The following NDUFAF5 variants were observed in gnomAD, a reference collection of about 807,000 sequenced individuals.
NDUFAF5 encodes the protein NADH:ubiquinone oxidoreductase complex assembly factor 5.
NDUFAF5 carries 34 observed loss-of-function variants against 48.9 expected under a neutral mutation model. The ratio of observed to expected loss-of-function variants is 0.70; its 90% CI spans 0.53 to 0.93. NDUFAF5 has a LOEUF of 0.93. NDUFAF5 is among the 40% of genes least tolerant of loss of function. NDUFAF5 has a pLI of 0.00. For missense variants in NDUFAF5, 428 were observed against 427.5 expected (o/e 1.00, Z -0.01); for synonymous variants, 153 against 150.6 (o/e 1.02, Z -0.12).
At position 13,818,495 on chromosome 20, in the gene NDUFAF5, C is replaced by T; in HGVS notation, c.*1285C>T. 4 of 338,378 alleles carry T rather than the reference C, an allele frequency of 1.2e-5. No individual in the cohort carries two copies. The highest frequency in any genetic ancestry group is 2.3e-5 in the Non-Finnish European group (4 of 176,618). The allele number at this position is 338,378 out of a possible 1,614,324, so 21.0% of individuals were successfully genotyped here. On this transcript the variant is annotated 3_prime_UTR_variant, in exon 11 of 11. Coordinates refer to ENST00000378106, the MANE Select transcript of NDUFAF5 (RefSeq NM_024120.5). ...AGAACTTGAAGAGAGAGAACAACAA[C>T]AAAAAACAAACTGCGCTAGCCAGGT... is the stretch of plus-strand genomic sequence containing the variant.
intron 3 of NDUFAF5, 140 bp from the exon 4 acceptor site, chr20:13,793,040 G>T (rs1982562247): frequency 1.2e-6 from 1 of 837,846 alleles, no homozygotes. Context: ...AAAAGTATTT[G>T]TGTACCATAC....
intron 4 of NDUFAF5, among the ~76,000 whole-genome samples, chr20:13,794,327 TG>T (rs1982824765): frequency 6.6e-6 from 1 of 152,120 alleles, no homozygotes; most frequent in South Asian, 2.1e-4. Context: ...TTGTCCAGGC[TG>T]GAGTGCAGTG....
intron 5 of NDUFAF5, among the ~76,000 whole-genome samples, chr20:13,795,237 C>T (rs1490881606): frequency 6.6e-6 from 1 of 152,110 alleles, no homozygotes; most frequent in East Asian, 1.9e-4. Flanking sequence ...TTTGGAATTG[C>T]TCTTGTTGGG....
chr20:13,798,495 G>A lies in NDUFAF5; in HGVS notation c.514G>A (p.Glu172Lys). ...HWVNDLPRAL[E>K]QIHYILKPDG... Reference sequence around the variant, plus strand: ...GGTGAATGACCTTCCTAGAGCACTTGAGCAGGTAAGAAAACTTATGTTCAT... The same window carrying A: ...GGTGAATGACCTTCCTAGAGCACTTAAGCAGGTAAGAAAACTTATGTTCAT... Residue 172 changes from glutamate to lysine, a missense_variant, in exon 6 of 11, where the codon GAG becomes AAG. By Grantham distance (56) the Glu-to-Lys change is moderately conservative (BLOSUM62 1). Coordinates refer to ENST00000378106, the MANE Select transcript of NDUFAF5 (RefSeq NM_024120.5). 6.2e-7 allele frequency: 1 copy of A among 1,607,618 alleles called. No homozygotes were observed. The highest frequency in any genetic ancestry group is 8.5e-7 in the Non-Finnish European group (1 of 1,174,308).
At chr20:13,808,471 CT>C (rs1985392633) in intron 7 of NDUFAF5, among the ~76,000 whole-genome samples, 1 of 152,024 alleles carries the variant, frequency 6.6e-6, no homozygotes, top group Non-Finnish European at 1.5e-5. Flanking sequence ...GATATTGACA[CT>C]GTCCAGGGAC....
intron 8 of NDUFAF5, chr20:13,813,056 TCTC>T (rs1257580932): frequency 6.6e-6 from 1 of 152,418 alleles, no homozygotes; most frequent in Non-Finnish European, 1.5e-5. Context: ...TTCAAGTAAT[TCTC>T]CTGCTTCAGC....
chr20:13,803,801 G>C (rs111808836), intron 7 of NDUFAF5, among the ~76,000 whole-genome samples: 11 of 149,926 alleles, frequency 7.3e-5, no homozygotes, highest in South Asian at 2.1e-4. Flanking sequence ...TTTTTTTTTG[G>C]GGGGGGGACA....
At chr20:13,796,279 C>G (rs1261988387) in intron 5 of NDUFAF5, among the ~76,000 whole-genome samples, 2 of 152,080 alleles carry the variant, frequency 1.3e-5, no homozygotes, top group African/African-American at 2.4e-5. Context: ...ATGTGCTGAA[C>G]AAAGTTAGAA....
At chr20:13,794,767 A>C in intron 4 of NDUFAF5, 71 bp from the exon 5 acceptor site, 1 of 975,426 alleles carries the variant, frequency 1.0e-6, no homozygotes, top group South Asian at 1.4e-5. Context: ...TCAATTTAAC[A>C]AACAGTGATT....
intron 8 of NDUFAF5, 76 bp from the exon 9 acceptor site, chr20:13,816,387 C>T (rs776755524): frequency 4.1e-5 from 39 of 961,632 alleles, no homozygotes; most frequent in East Asian, 1.2e-4. Context: ...TTAGATGAGA[C>T]GGGATTAAGT....
At chr20:13,810,479 A>C (rs1428319835) in intron 8 of NDUFAF5, among the ~76,000 whole-genome samples, 1 of 152,132 alleles carries the variant, frequency 6.6e-6, no homozygotes, top group Non-Finnish European at 1.5e-5. Flanking sequence ...TTGAGGAGTA[A>C]GTGGAAAGTG....
chr20:13,789,518 C>T (rs1016565624), intron 3 of NDUFAF5, among the ~76,000 whole-genome samples: 1 of 151,180 alleles, frequency 6.6e-6, no homozygotes. Context: ...CTCTGTTGCC[C>T]AGGCTGGAGT....
At chr20:13,812,685 G>A (rs1411719588) in intron 8 of NDUFAF5, among the ~76,000 whole-genome samples, 2 of 152,086 alleles carry the variant, frequency 1.3e-5, no homozygotes, top group Non-Finnish European at 2.9e-5. Context: ...GCAAATTGAG[G>A]CATCGAGAAG....
At chr20:13,813,857 T>C (rs1986155636) in intron 8 of NDUFAF5, among the ~76,000 whole-genome samples, 2 of 152,132 alleles carry the variant, frequency 1.3e-5, no homozygotes, top group Admixed American at 1.3e-4. Flanking sequence ...CTTGAGTATA[T>C]AGAACGGGGA....
Position 13,785,187 on chromosome 20 carries a change from C to T in NDUFAF5, c.119C>T (p.Ser40Leu). 6.2e-7 allele frequency: 1 copy of T among 1,613,818 alleles called. No individual in the cohort carries two copies. Among genetic ancestry groups the T allele is most frequent in the Non-Finnish European group, 8.5e-7 (1 of 1,179,896 alleles). Residue 40 changes from serine (S) to leucine (L), a missense_variant, in exon 1 of 11, where the codon TCG becomes TTG. Physicochemically the swap from Ser to Leu is moderately radical, Grantham distance 145. Transcript: ENST00000378106. ...GGTGTCTCTCCCCGCGGTAGCACCTCGCCCAGAACCCTGAATATTTTCGAC... is the reference window on the plus strand; with the variant it reads ...GGTGTCTCTCCCCGCGGTAGCACCTTGCCCAGAACCCTGAATATTTTCGAC... ...TSGVSPRGST[S>L]PRTLNIFDRD...
chr20:13,793,740 G>C (rs1027289411), intron 4 of NDUFAF5, among the ~76,000 whole-genome samples: 2 of 152,130 alleles, frequency 1.3e-5, no homozygotes, highest in Admixed American at 1.3e-4. Context: ...TTTTCCGTGG[G>C]TATAAATTCC....
intron 8 of NDUFAF5, chr20:13,809,121 AAG>A (rs1281710952): frequency 3.5e-6 from 2 of 568,868 alleles, no homozygotes; most frequent in African/African-American, 1.9e-5. Flanking sequence ...TCACAGAGAT[AAG>A]TGTTAAATTA....
chr20:13,797,736 TG>T lies in NDUFAF5; in HGVS notation c.480-720del, dbSNP rs374328336. ...TGAACCTTAATGTAAACTATGGACT[TG>T]GGGGATAATCACTTATCAGTATAGC... On this transcript the variant is annotated intron_variant, in intron 5 of 10. Transcript: ENST00000378106. Among the ~76,000 whole-genome samples, 196 of 152,258 alleles carry T rather than the reference TG, an allele frequency of 1.3e-3. 1 individual carries two copies. The highest frequency in any genetic ancestry group is 4.4e-3 in the African/African-American group (182 of 41,536).
intron 7 of NDUFAF5, among the ~76,000 whole-genome samples, chr20:13,802,816 C>T (rs1363359024): frequency 1.3e-5 from 2 of 152,074 alleles, no homozygotes; most frequent in African/African-American, 4.8e-5. Flanking sequence ...CAGCATTTTT[C>T]TAGAACTAGG....
Sources: allele counts gnomAD v4.1 joint callset (sites outside exome capture counted in the v4.1 genomes callset), GRCh38; gene constraint gnomAD v4.1.1; transcripts MANE v1.5; gene names NCBI Gene and HGNC (gene_info 2026-07-23, HGNC 2026-07-21).